The following DPP6 variants were observed in gnomAD, a reference collection of about 807,000 sequenced individuals.
DPP6 encodes dipeptidyl peptidase like 6.
Under a neutral mutation model 122.6 loss-of-function variants are expected in DPP6, and 69 were observed. That is an observed-to-expected ratio of 0.56 (90% confidence interval 0.46 to 0.69). DPP6 has a LOEUF of 0.69. DPP6 is among the 30% of genes least tolerant of loss of function. DPP6 has a pLI of 0.00. For synonymous variants in DPP6, 418 were observed against 433.1 expected, an observed-to-expected ratio of 0.97 and a Z score of 0.43; for missense variants, 928 against 1,116.9, an observed-to-expected ratio of 0.83 and a Z score of 2.41.
intron 3 of DPP6, among the ~76,000 whole-genome samples, chr7:154,478,076 G>A (rs10282472): frequency 0.38 from 58,054 of 151,632 alleles, 11,916 homozygotes; most frequent in African/African-American, 0.52. Context: ...ATAGCTTAAA[G>A]TGAATGAAGT....
intron 3 of DPP6, among the ~76,000 whole-genome samples, chr7:154,484,046 C>T (rs781242904): frequency 1.1e-4 from 16 of 152,178 alleles, no homozygotes; most frequent in Non-Finnish European, 1.8e-4. Flanking sequence ...GTTACTTACA[C>T]TTACAAGGCC....
the DPP6 span, among the ~76,000 whole-genome samples, chr7:153,818,569 A>G: frequency 2.6e-5 from 4 of 152,184 alleles, no homozygotes; most frequent in African/African-American, 9.7e-5. Context: ...GATATATTGT[A>G]TGGTGCCATT....
At chr7:154,006,755 A>G (rs1797928699) in intron 1 of DPP6, among the ~76,000 whole-genome samples, 1 of 152,238 alleles carries the variant, frequency 6.6e-6, no homozygotes, top group South Asian at 2.1e-4. Flanking sequence ...GGAGCACTTA[A>G]AAGACTATCT....
At chr7:154,480,620 T>C (rs559375624) in intron 3 of DPP6, among the ~76,000 whole-genome samples, 2 of 152,232 alleles carry the variant, frequency 1.3e-5, no homozygotes, top group Non-Finnish European at 2.9e-5. Context: ...TTTTCATGGC[T>C]GCACGCCCTC....
chr7:154,021,688 A>G (rs1452005758), intron 1 of DPP6, among the ~76,000 whole-genome samples: 1 of 152,148 alleles, frequency 6.6e-6, no homozygotes, highest in Non-Finnish European at 1.5e-5. Flanking sequence ...TTCCAGTTCC[A>G]TCAGCTCACT....
chr7:154,562,110 C>T (rs1830460286), intron 4 of DPP6, among the ~76,000 whole-genome samples: 1 of 151,990 alleles, frequency 6.6e-6, no homozygotes, highest in East Asian at 1.9e-4. Context: ...CAGTATTACC[C>T]TGAAATAAAA....
chr7:154,695,446 C>CT (rs1840163977), intron 7 of DPP6, among the ~76,000 whole-genome samples: 2 of 152,250 alleles, frequency 1.3e-5, no homozygotes, highest in Admixed American at 1.3e-4. Context: ...ATGACAGAAA[C>CT]TAAGAAAGTT....
chr7:154,439,734 A>G (rs1025404095), intron 1 of DPP6, among the ~76,000 whole-genome samples: 1 of 152,232 alleles, frequency 6.6e-6, no homozygotes, highest in African/African-American at 2.4e-5. Context: ...CTGAAAACAC[A>G]GTTTTGCTGA....
intron 1 of DPP6, among the ~76,000 whole-genome samples, chr7:153,995,921 T>C (rs1797409837): frequency 6.6e-6 from 1 of 152,224 alleles, no homozygotes. Flanking sequence ...ATGGCATTTG[T>C]TGACCAAGCT....
chr7:154,876,004 A>T lies in DPP6; in HGVS notation c.1982A>T (p.Asp661Val). The change falls in exon 20 of 26, where the codon GAC becomes GTC. Residue 661 changes from aspartate to valine, a missense_variant. Physicochemically the swap from Asp to Val is radical, Grantham distance 152. Transcript: ENST00000377770. ...CACGGCGCGGTGGTGGTAAAGTGTG[A>T]CGGCCGTGGCAGCGGCTTCCAAGGG... Reference protein sequence around the residue: ...SSHGAVVVKCDGRGSGFQGTK... With the variant: ...SSHGAVVVKCVGRGSGFQGTK... 1.2e-6 allele frequency: 2 copies of T among 1,613,330 alleles called. No homozygotes were observed. The highest frequency in any genetic ancestry group is 1.7e-6 in the Non-Finnish European group (2 of 1,179,682).
chr7:154,130,300 T>C (rs1484943356), intron 1 of DPP6, among the ~76,000 whole-genome samples: 1 of 152,002 alleles, frequency 6.6e-6, no homozygotes, highest in Non-Finnish European at 1.5e-5. Flanking sequence ...AAAATGGGTC[T>C]CGATGGGACT....
chr7:154,741,331 G>GT (rs1285228772), intron 8 of DPP6, among the ~76,000 whole-genome samples: 1 of 152,236 alleles, frequency 6.6e-6, no homozygotes, highest in Non-Finnish European at 1.5e-5. Context: ...CAGAACCCAG[G>GT]AAGGGTGAAG....
chr7:154,428,849 G>C (rs539703313), intron 1 of DPP6, among the ~76,000 whole-genome samples: 2 of 152,216 alleles, frequency 1.3e-5, no homozygotes, highest in Non-Finnish European at 2.9e-5. Flanking sequence ...ACTCGCAAGT[G>C]GGGAGAGCGG....
chr7:153,793,604 A>C, the DPP6 span, among the ~76,000 whole-genome samples: 1 of 151,390 alleles, frequency 6.6e-6, no homozygotes, highest in African/African-American at 2.4e-5. Context: ...AGCTGGCTGC[A>C]GAAATGTGCA....
At chr7:154,660,667 G>C (rs577383384) in intron 6 of DPP6, among the ~76,000 whole-genome samples, 4 of 131,288 alleles carry the variant, frequency 3.0e-5, no homozygotes, top group African/African-American at 6.5e-5. Context: ...CGTATTGGCC[G>C]TAGTATTCAT....
chr7:154,615,549 G>A (rs544559073), intron 5 of DPP6, among the ~76,000 whole-genome samples: 84 of 152,228 alleles, frequency 5.5e-4, no homozygotes, highest in African/African-American at 2.0e-3. Context: ...GTAAGTATAC[G>A]ATTCAGTGGC....
At chr7:154,081,392 C>T (rs1441914462) in intron 1 of DPP6, among the ~76,000 whole-genome samples, 1 of 142,810 alleles carries the variant, frequency 7.0e-6, no homozygotes, top group African/African-American at 2.5e-5. Flanking sequence ...CACATAACAT[C>T]ATCCTATTAG....
At chr7:154,139,747 C>T (rs533341268) in intron 1 of DPP6, among the ~76,000 whole-genome samples, 1 of 152,164 alleles carries the variant, frequency 6.6e-6, no homozygotes, top group Non-Finnish European at 1.5e-5. Context: ...TACCATCCAC[C>T]TTCCAGCTAT....
intron 1 of DPP6, among the ~76,000 whole-genome samples, chr7:154,299,262 C>CA (rs1805746183): frequency 6.6e-6 from 1 of 152,214 alleles, no homozygotes; most frequent in Non-Finnish European, 1.5e-5. Context: ...CACGCAGACC[C>CA]AGCAGCTTCC....
Sources: allele counts gnomAD v4.1 joint callset (sites outside exome capture counted in the v4.1 genomes callset), GRCh38; gene constraint gnomAD v4.1.1; transcripts MANE v1.5; gene names NCBI Gene and HGNC (gene_info 2026-07-23, HGNC 2026-07-21).